Variants in TSNARE1 observed in about 807,000 individuals in gnomAD.
TSNARE1 encodes t-SNARE domain containing 1, also known as t-SNARE domain-containing protein 1.
A neutral mutation model predicts 62.0 loss-of-function variants in TSNARE1; 49 were observed. The observed-to-expected ratio is 0.79, with a 90% CI of 0.63 to 1.00. The LOEUF is 1.00. Ranked by LOEUF, TSNARE1 falls within the 50% of genes least tolerant of loss-of-function variation. The pLI is 0.00. For missense variants in TSNARE1, 755 were observed against 700.1 expected (o/e 1.08, Z -0.88); for synonymous variants, 328 against 294.4 (o/e 1.11, Z -1.17).
intron 1 of TSNARE1, among the ~76,000 whole-genome samples, chr8:142,385,042 T>TAAATGAGGTGAGAGAAAAGCGAATG (rs1489439911): frequency 6.7e-6 from 1 of 150,324 alleles, no homozygotes; most frequent in Non-Finnish European, 1.5e-5. Context: ...AAAAGCGAAT[T>TAAATGAGGTGAGAGAAAAGCGAATG]AAATGAGGTG....
chr8:142,356,273 G>C (rs926676322), intron 1 of TSNARE1, among the ~76,000 whole-genome samples: 7 of 152,168 alleles, frequency 4.6e-5, no homozygotes, highest in Non-Finnish European at 1.0e-4. Context: ...AGCAGGGAGA[G>C]TGGTCCTCAG....
At chr8:142,277,457 GCCC>G (rs1391437403) in intron 11 of TSNARE1, 3 of 985,330 alleles carry the variant, frequency 3.0e-6, no homozygotes, top group Admixed American at 1.2e-4. Context: ...TGCAGGCCTG[GCCC>G]TGCCCAAACC....
In TSNARE1 at chr8:142,344,057, G is replaced by A; in HGVS notation, c.654C>T (p.Ala218=). ...CCTGCTCCACGGGCGTGAGAGCCAG[G>A]GCCTGGGGCTTGCCGGAACCAGGGC... ...GPSPGSGKPQ[A]LALTPVEQVV... The change falls in exon 4 of 14, where the codon GCC becomes GCT. Residue 218 remains alanine, a synonymous_variant. Coordinates refer to ENST00000524325, the MANE Select transcript of TSNARE1 (RefSeq NM_145003.5). The A allele has an allele frequency of 6.3e-7, 1 of 1,599,830 alleles. No homozygotes were observed. The highest frequency in any genetic ancestry group is 2.2e-5 in the East Asian group (1 of 44,534).
intron 12 of TSNARE1, among the ~76,000 whole-genome samples, chr8:142,245,979 T>C (rs1329540113): frequency 6.6e-6 from 1 of 152,218 alleles, no homozygotes; most frequent in Non-Finnish European, 1.5e-5. Context: ...GGTAACCTTC[T>C]CCACAATTCC....
chr8:142,317,186 C>A (rs772247708), intron 7 of TSNARE1, among the ~76,000 whole-genome samples: 2 of 151,156 alleles, frequency 1.3e-5, no homozygotes, highest in Non-Finnish European at 2.9e-5. Context: ...ACGCATGAAG[C>A]GGGTATGGCC....
intron 11 of TSNARE1, among the ~76,000 whole-genome samples, chr8:142,279,455 A>G (rs1194582725): frequency 1.3e-5 from 2 of 152,212 alleles, no homozygotes; most frequent in African/African-American, 2.4e-5. Flanking sequence ...CACTGGTCCC[A>G]GAGGCCACCT....
At chr8:142,222,492 CCACT>C (rs1253795884) in intron 13 of TSNARE1, among the ~76,000 whole-genome samples, 2 of 15,984 alleles carry the variant, frequency 1.3e-4, no homozygotes, top group African/African-American at 2.7e-4. Flanking sequence ...ACTCACTCAT[CCACT>C]CACTCATCCA....
At chr8:142,257,291 G>A (rs1818631297) in intron 12 of TSNARE1, among the ~76,000 whole-genome samples, 2 of 152,222 alleles carry the variant, frequency 1.3e-5, no homozygotes, top group African/African-American at 4.8e-5. Context: ...TGGAGGGGCA[G>A]ATTGGACAGG....
intron 12 of TSNARE1, among the ~76,000 whole-genome samples, chr8:142,244,648 G>A (rs559330798): frequency 2.6e-5 from 4 of 152,322 alleles, no homozygotes; most frequent in Admixed American, 6.5e-5. Flanking sequence ...GAGGGCCAAC[G>A]TCCCCAAGAC....
intron 6 of TSNARE1, among the ~76,000 whole-genome samples, chr8:142,327,099 A>T (rs1303164205): frequency 1.3e-5 from 2 of 152,214 alleles, no homozygotes; most frequent in African/African-American, 4.8e-5. Context: ...ATAACCCAGC[A>T]AGTCCAGTCC....
intron 12 of TSNARE1, among the ~76,000 whole-genome samples, chr8:142,258,728 G>C (rs572606981): frequency 3.3e-4 from 50 of 152,140 alleles, no homozygotes; most frequent in African/African-American, 1.2e-3. Flanking sequence ...GCCATGTTGG[G>C]CCAGGCTGGT....
At chr8:142,288,734 C>T (rs754193721) in intron 10 of TSNARE1, among the ~76,000 whole-genome samples, 5 of 152,278 alleles carry the variant, frequency 3.3e-5, no homozygotes, top group Non-Finnish European at 7.3e-5. Context: ...CGCCCACTCA[C>T]TGCTAGACTC....
chr8:142,221,239 G>C (rs1481630532), intron 13 of TSNARE1, among the ~76,000 whole-genome samples: 2 of 152,242 alleles, frequency 1.3e-5, no homozygotes, highest in Non-Finnish European at 2.9e-5. Flanking sequence ...GTGCTTGGCA[G>C]ACAGAAGATA....
chr8:142,368,619 G>A lies in TSNARE1; in HGVS notation c.-39-13856C>T, dbSNP rs538867602. 3.3e-5 allele frequency among the ~76,000 whole-genome samples: 5 copies of A among 152,278 alleles called. No individual in the cohort carries two copies. In the East Asian group the frequency reaches 9.7e-4, roughly 29 times the overall value. On this transcript the variant is annotated intron_variant, in intron 1 of 13. Transcript: ENST00000524325. ...CACCCAGGCAGACAAGAAGAATGAA[G>A]CCACCTGGGCGGCCACATCCACTCA... is the stretch of plus-strand genomic sequence containing the variant.
intron 12 of TSNARE1, among the ~76,000 whole-genome samples, chr8:142,258,331 G>A (rs184035511): frequency 5.3e-5 from 8 of 152,314 alleles, no homozygotes; most frequent in Admixed American, 2.6e-4. Context: ...GTAAATGCAC[G>A]CACCCGCCCA....
intron 6 of TSNARE1, among the ~76,000 whole-genome samples, chr8:142,328,311 C>A (rs1830539131): frequency 6.6e-6 from 1 of 152,194 alleles, no homozygotes; most frequent in South Asian, 2.1e-4. Context: ...TCTAAACATG[C>A]TCAAGCATGT....
chr8:142,364,360 A>T (rs558312938), intron 1 of TSNARE1, among the ~76,000 whole-genome samples: 1 of 152,340 alleles, frequency 6.6e-6, no homozygotes, highest in South Asian at 2.1e-4. Flanking sequence ...AGTTTTTAAG[A>T]TGCACAGAGA....
At chr8:142,261,379 G>A (rs1351685886) in intron 12 of TSNARE1, among the ~76,000 whole-genome samples, 1 of 133,858 alleles carries the variant, frequency 7.5e-6, no homozygotes, top group Non-Finnish European at 1.6e-5. Context: ...AGGGATGGAG[G>A]AGAGAGGGGG....
chr8:142,256,539 TCACCACCATCACCATCAC>T (rs1563783105), intron 12 of TSNARE1, among the ~76,000 whole-genome samples: 1 of 41,568 alleles, frequency 2.4e-5, no homozygotes, highest in African/African-American at 4.9e-5. Flanking sequence ...ACCATCACCA[TCACCACCATCACCATCAC>T]CACCATCACC....
Sources: allele counts gnomAD v4.1 joint callset (sites outside exome capture counted in the v4.1 genomes callset), GRCh38; gene constraint gnomAD v4.1.1; transcripts MANE v1.5; gene names NCBI Gene and HGNC (gene_info 2026-07-23, HGNC 2026-07-21).